PLB1: variants seen among roughly 807,000 people sequenced by gnomAD.
The protein encoded by PLB1 is phospholipase B1, also known as phospholipase B1, membrane-associated.
PLB1 carries 242 observed loss-of-function variants against 227.4 expected under a neutral mutation model. That is an observed-to-expected ratio of 1.06 (90% confidence interval 0.96 to 1.18). The LOEUF (loss-of-function observed/expected upper bound fraction) is 1.18. PLB1 is among the 50% of genes most tolerant of loss of function. The pLI is 0.00. For missense variants in PLB1, 1,858 were observed against 1,816.3 expected, an observed-to-expected ratio of 1.02 and a Z score of -0.42; for synonymous variants, 757 against 682.2, an observed-to-expected ratio of 1.11 and a Z score of -1.71.
chr2:28,576,468 G>A (rs1466638925), intron 21 of PLB1, among the ~76,000 whole-genome samples: 2 of 152,170 alleles, frequency 1.3e-5, no homozygotes, highest in Non-Finnish European at 2.9e-5. Flanking sequence ...AGTGGCTCAC[G>A]TCTGTAATCC....
intron 46 of PLB1, among the ~76,000 whole-genome samples, chr2:28,619,665 G>C (rs1306816423): frequency 6.6e-6 from 1 of 152,132 alleles, no homozygotes; most frequent in Middle Eastern, 3.4e-3. Flanking sequence ...GGGTATGGGA[G>C]TGGGTGGTAA....
chr2:28,527,386 C>T (rs555916073), intron 6 of PLB1, among the ~76,000 whole-genome samples: 1 of 152,192 alleles, frequency 6.6e-6, no homozygotes, highest in Non-Finnish European at 1.5e-5. Flanking sequence ...GCTGCAAGCT[C>T]AGCTGGGTGG....
chr2:28,547,142 A>G (rs1243624703), intron 14 of PLB1, among the ~76,000 whole-genome samples: 1 of 150,890 alleles, frequency 6.6e-6, no homozygotes, highest in African/African-American at 2.4e-5. Context: ...TCAAGGCTGC[A>G]ATGAACTGTG....
chr2:28,507,085 G>A (rs772753006), intron 1 of PLB1, among the ~76,000 whole-genome samples: 1 of 152,138 alleles, frequency 6.6e-6, no homozygotes, highest in Non-Finnish European at 1.5e-5. Context: ...CTGGCCAATG[G>A]TGGCTGAGGT....
At chr2:28,596,540 G>T (rs1402640293) in intron 33 of PLB1, among the ~76,000 whole-genome samples, 6 of 152,200 alleles carry the variant, frequency 3.9e-5, no homozygotes, top group Admixed American at 3.3e-4. Flanking sequence ...AAGGAGAAAA[G>T]GAGGCAGAAT....
rs773909974 is a variant in PLB1 at position 28,552,942 on chromosome 2, G to T, written c.1098G>T (p.Ala366=). The T allele has an allele frequency of 1.2e-6, 2 of 1,613,860 alleles. No homozygotes were observed. Among genetic ancestry groups the T allele is most frequent in the South Asian group, 1.1e-5 (1 of 91,072 alleles). Residue 366 remains alanine (A), a synonymous_variant, in exon 17 of 58, where the codon GCG becomes GCT. Coordinates refer to ENST00000327757, the MANE Select transcript of PLB1 (RefSeq NM_153021.5). ...TCTCATTTCAGGTAAGAGAAGGAGCGGAAATCAGATGTCCTGACAAAGACC... is the reference window on the plus strand; with the variant it reads ...TCTCATTTCAGGTAAGAGAAGGAGCTGAAATCAGATGTCCTGACAAAGACC... ...PQDKLEVREG[A]EIRCPDKDPS...
In PLB1 at chr2:28,582,407, T is replaced by C. The variant is rs1479283742; in HGVS notation, c.1635T>C (p.Val545=). ...GKALDILHAE[V]PRAFVNLVTV... ...TGACTGAGTTTGCCTTTTCTCAGGT[T>C]CCTCGGGCATTTGTGAACCTGGTGA... is the stretch of plus-strand genomic sequence containing the variant. Residue 545 remains valine, a splice_region_variant and synonymous_variant, in exon 25 of 58, where the codon GTT becomes GTC. Transcript: ENST00000327757. 1.9e-6 allele frequency: 3 copies of C among 1,612,522 alleles called. No homozygotes were observed. The African/African-American group carries it at 4.0e-5, about 22-fold the overall frequency.
At chr2:28,598,978 T>C (rs1683433042) in intron 35 of PLB1, among the ~76,000 whole-genome samples, 1 of 152,228 alleles carries the variant, frequency 6.6e-6, no homozygotes, top group Non-Finnish European at 1.5e-5. Context: ...GTTCAACTCC[T>C]GACCTTGCCT....
intron 4 of PLB1, among the ~76,000 whole-genome samples, chr2:28,522,630 C>G (rs1455591582): frequency 6.6e-6 from 1 of 152,142 alleles, no homozygotes; most frequent in South Asian, 2.1e-4. Flanking sequence ...ACTTTAAGCC[C>G]GTCAGTGACT....
chr2:28,585,224 CAGA>C (rs1482407279), intron 25 of PLB1, among the ~76,000 whole-genome samples: 3 of 152,110 alleles, frequency 2.0e-5, no homozygotes, highest in East Asian at 1.9e-4. Flanking sequence ...CTACAGAAAT[CAGA>C]AGAAGTCTAT....
At chr2:28,498,916 A>G (rs1666777913) in intron 1 of PLB1, among the ~76,000 whole-genome samples, 1 of 152,230 alleles carries the variant, frequency 6.6e-6, no homozygotes, top group South Asian at 2.1e-4. Flanking sequence ...ATTGCTTTGA[A>G]TTCTATGAAT....
intron 33 of PLB1, chr2:28,594,536 C>G (rs1464672670): frequency 6.4e-6 from 1 of 157,310 alleles, no homozygotes; most frequent in East Asian, 1.8e-4. Context: ...CCCTTTTCTT[C>G]TGAGTCAGTT....
intron 11 of PLB1, 137 bp from the exon 12 acceptor site, chr2:28,540,229 C>T (rs1672288739): frequency 1.4e-6 from 1 of 703,450 alleles, no homozygotes; most frequent in African/African-American, 1.7e-5. Flanking sequence ...TTTATGTCCT[C>T]TAAGACTTAT....
intron 56 of PLB1, among the ~76,000 whole-genome samples, chr2:28,637,570 G>A (rs1315275393): frequency 6.6e-6 from 1 of 152,176 alleles, no homozygotes; most frequent in South Asian, 2.1e-4. Context: ...GAAGGAGGCA[G>A]GCCAGGCCCC....
chr2:28,543,469 G>A (rs980017461), intron 14 of PLB1, among the ~76,000 whole-genome samples: 1 of 152,362 alleles, frequency 6.6e-6, no homozygotes, highest in African/African-American at 2.4e-5. Context: ...GTTCTGCGCT[G>A]CAGCCAGGCC....
Position 28,625,063 on chromosome 2 carries a change from GC to G in PLB1, c.3536del (p.Pro1179GlnfsTer8). On this transcript the variant is annotated frameshift_variant, in exon 50 of 58. Transcript: ENST00000327757. LOFTEE classifies it high-confidence loss of function. ...AAEGARARDM[P>X]AQAWDLVERM... ...CTCTCTACCCCCCACCTAGGGACAT[GC>G]CAGCCCAGGCCTGGGACCTGGTAGA... 6.2e-7 allele frequency: 1 copy of G among 1,613,580 alleles called. No individual in the cohort carries two copies. The highest frequency in any genetic ancestry group is 8.5e-7 in the Non-Finnish European group (1 of 1,179,728).
Position 28,618,330 on chromosome 2 carries a change from G to A in PLB1, c.3257-11G>A, listed in dbSNP as rs770868705. 4.3e-6 allele frequency: 7 copies of A among 1,613,866 alleles called. No homozygotes were observed. The African/African-American group carries it at 8.0e-5, about 18-fold the overall frequency. ...AGCCCCCACAACCACCTCTCTGCTT[G>A]TCTCCCCTAGTCCACCAGCTCCGAC... On this transcript the variant is annotated splice_polypyrimidine_tract_variant and intron_variant, in intron 45 of 57. Transcript: ENST00000327757.
intron 1 of PLB1, among the ~76,000 whole-genome samples, chr2:28,511,030 C>G (rs1363612572): frequency 6.6e-6 from 1 of 152,050 alleles, no homozygotes; most frequent in Non-Finnish European, 1.5e-5. Context: ...CAATTTTTAT[C>G]ATTATTTTGG....
intron 6 of PLB1, among the ~76,000 whole-genome samples, chr2:28,527,659 C>T (rs916777899): frequency 6.6e-6 from 1 of 152,220 alleles, no homozygotes; most frequent in African/African-American, 2.4e-5. Flanking sequence ...GTGGCATGGT[C>T]CCTGTGAACC....
Sources: allele counts gnomAD v4.1 joint callset (sites outside exome capture counted in the v4.1 genomes callset), GRCh38; gene constraint gnomAD v4.1.1; transcripts MANE v1.5; gene names NCBI Gene and HGNC (gene_info 2026-07-23, HGNC 2026-07-21).